The following ZNF536 variants were observed in gnomAD, a reference collection of about 807,000 sequenced individuals.
ZNF536 encodes the protein zinc finger protein 536.
ZNF536 carries 13 observed loss-of-function variants against 84.5 expected under a neutral mutation model. That is an observed-to-expected ratio of 0.15 (90% CI 0.10 to 0.24). ZNF536 has a LOEUF of 0.24. Among genes scored for constraint, ZNF536 ranks in the 10% least tolerant of loss-of-function variants. The probability of loss-of-function intolerance (pLI) is 1.00; values close to 1 mark genes in which losing one functional copy is unlikely to be tolerated. For synonymous variants in ZNF536, 811 were observed against 742.5 expected (o/e 1.09, Z -1.50); for missense variants, 1,536 against 1,747.5 (o/e 0.88, Z 2.16).
At chr19:30,229,090 TC>T (rs1235889560) in intron 1 of ZNF536, among the ~76,000 whole-genome samples, 15 of 152,038 alleles carry the variant, frequency 9.9e-5, no homozygotes, top group South Asian at 2.1e-4. Flanking sequence ...GCCAAATGCT[TC>T]CCCCATTATT....
At chr19:30,574,397 A>T (rs2046656705) in intron 1 of ZNF536, among the ~76,000 whole-genome samples, 1 of 152,232 alleles carries the variant, frequency 6.6e-6, no homozygotes, top group African/African-American at 2.4e-5. Context: ...TCCCAAGCCC[A>T]CTGCCTCCTG....
intron 1 of ZNF536, among the ~76,000 whole-genome samples, chr19:30,609,809 TTTACCTAC>T (rs2048028714): frequency 2.8e-5 from 4 of 141,654 alleles, no homozygotes; most frequent in Non-Finnish European, 4.7e-5. Flanking sequence ...CATCCATCCA[TTTACCTAC>T]CCATCCACCC....
chr19:30,507,272 A>G (rs1173917174), intron 2 of ZNF536, among the ~76,000 whole-genome samples: 1 of 151,896 alleles, frequency 6.6e-6, no homozygotes, highest in Non-Finnish European at 1.5e-5. Context: ...TGAGGCCTGA[A>G]CCCGGATGGC....
chr19:30,568,184 G>A (rs564221407), intron 1 of ZNF536, among the ~76,000 whole-genome samples: 4 of 152,288 alleles, frequency 2.6e-5, no homozygotes, highest in East Asian at 1.9e-4. Flanking sequence ...ACAGTAGGTA[G>A]CATTTTGGTT....
At chr19:30,292,431 C>T (rs139538895) in intron 2 of ZNF536, among the ~76,000 whole-genome samples, 3 of 151,846 alleles carry the variant, frequency 2.0e-5, no homozygotes, top group East Asian at 1.9e-4. Flanking sequence ...CTTCCTGGGC[C>T]CAAGCCATCC....
At chr19:30,503,484 T>C (rs547465698) in intron 2 of ZNF536, among the ~76,000 whole-genome samples, 110 of 152,348 alleles carry the variant, frequency 7.2e-4, no homozygotes, top group African/African-American at 2.3e-3. Context: ...TATTGTTGAA[T>C]GAAAGAAGTG....
intron 3 of ZNF536, among the ~76,000 whole-genome samples, chr19:30,357,314 G>A (rs766191372): frequency 6.6e-6 from 1 of 152,204 alleles, no homozygotes; most frequent in East Asian, 1.9e-4. Flanking sequence ...AACAGCATGT[G>A]CAAAGGCCTC....
intron 2 of ZNF536, among the ~76,000 whole-genome samples, chr19:30,479,876 G>A (rs2054002433): frequency 6.6e-6 from 1 of 152,156 alleles, no homozygotes; most frequent in South Asian, 2.1e-4. Context: ...TATCTCCGTG[G>A]AAATCAAAAT....
chr19:30,574,618 A>G (rs185273530), intron 1 of ZNF536, among the ~76,000 whole-genome samples: 4 of 152,352 alleles, frequency 2.6e-5, no homozygotes, highest in African/African-American at 9.6e-5. Flanking sequence ...CGGTCAATCC[A>G]GCATTCTTCT....
At chr19:30,416,289 ATTTTTTTTTT>A (rs200146840) in intron 1 of ZNF536, among the ~76,000 whole-genome samples, 2 of 132,558 alleles carry the variant, frequency 1.5e-5, no homozygotes, top group African/African-American at 2.9e-5. Context: ...TGTCCTCTGA[ATTTTTTTTTT>A]TTTTTTTTTT....
At chr19:30,502,094 A>T (rs949548616) in intron 2 of ZNF536, among the ~76,000 whole-genome samples, 1 of 152,228 alleles carries the variant, frequency 6.6e-6, no homozygotes, top group African/African-American at 2.4e-5. Flanking sequence ...GACGAAGTTG[A>T]CATACCCATA....
chr19:30,244,720 G>C (rs1267732912), intron 1 of ZNF536, among the ~76,000 whole-genome samples: 1 of 152,178 alleles, frequency 6.6e-6, no homozygotes, highest in Non-Finnish European at 1.5e-5. Flanking sequence ...TCTCCCTCTA[G>C]GGGAGATCTG....
rs1168313738 is a variant in ZNF536 at position 30,692,445 on chromosome 19, C to T, written c.170-18312C>T. Among the ~76,000 whole-genome samples, 4 of 152,300 alleles carry T rather than the reference C, an allele frequency of 2.6e-5. No homozygotes were observed. The East Asian group carries it at 7.7e-4, about 29-fold the overall frequency. On this transcript the variant is annotated intron_variant, in intron 1 of 1. Transcript: ENST00000592773. Reference sequence around the variant, plus strand: ...AGATGGAATTTATATAACAGTAATTCTGATTCTTTGCCAAAGAGGCAGCGA... The same window carrying T: ...AGATGGAATTTATATAACAGTAATTTTGATTCTTTGCCAAAGAGGCAGCGA...
chr19:30,273,797 A>G (rs1210351549), intron 1 of ZNF536, among the ~76,000 whole-genome samples: 1 of 152,126 alleles, frequency 6.6e-6, no homozygotes, highest in African/African-American at 2.4e-5. Context: ...TGCATTTGAA[A>G]CCTGAGATTT....
intron 3 of ZNF536, among the ~76,000 whole-genome samples, chr19:30,363,582 G>A (rs10404762): frequency 2.0e-5 from 3 of 151,972 alleles, no homozygotes; most frequent in Non-Finnish European, 2.9e-5. Context: ...AAACCACATC[G>A]CAAAGTAGAA....
intron 2 of ZNF536, among the ~76,000 whole-genome samples, chr19:30,531,798 T>C (rs1479303897): frequency 6.6e-6 from 1 of 152,084 alleles, no homozygotes; most frequent in African/African-American, 2.4e-5. Context: ...CTAATTTTTG[T>C]ATTTTTAGTT....
intron 2 of ZNF536, among the ~76,000 whole-genome samples, chr19:30,533,524 A>G (rs928257249): frequency 3.3e-5 from 5 of 152,174 alleles, no homozygotes; most frequent in Admixed American, 2.6e-4. Flanking sequence ...TGTCTCAAAA[A>G]AAAAAAAAAA....
chr19:30,281,335 C>G (rs1568300991), intron 1 of ZNF536, among the ~76,000 whole-genome samples: 1 of 152,206 alleles, frequency 6.6e-6, no homozygotes, highest in African/African-American at 2.4e-5. Flanking sequence ...TCTCACTCCC[C>G]TTTCTGGAAG....
At chr19:30,562,853 G>T (rs1243523268), downstream of ZNF536, among the ~76,000 whole-genome samples, 1 of 152,026 alleles carries the variant, frequency 6.6e-6, no homozygotes, top group East Asian at 1.9e-4. Context: ...AATTCCCTTG[G>T]TCACTCAAAA....
Sources: gnomAD v4.1 joint callset for allele counts (sites outside exome capture counted in the v4.1 genomes callset) on GRCh38, gnomAD v4.1.1 for gene constraint, MANE v1.5 for transcripts, NCBI Gene and HGNC (gene_info 2026-07-23, HGNC 2026-07-21) for gene names.